HMGXB4: variants seen among roughly 807,000 people sequenced by gnomAD.
The protein encoded by HMGXB4 is HMG domain-containing protein 4.
HMGXB4 carries 27 observed loss-of-function variants against 63.9 expected under a neutral mutation model. That is an observed-to-expected ratio of 0.42 (90% CI 0.31 to 0.58). HMGXB4 has a LOEUF of 0.58. Among genes scored for constraint, HMGXB4 ranks in the 20% least tolerant of loss-of-function variants. The pLI is 0.13. For synonymous variants in HMGXB4, 264 were observed against 265.3 expected (o/e 0.99, Z 0.05); for missense variants, 624 against 700.7 (o/e 0.89, Z 1.24).
intron 6 of HMGXB4, among the ~76,000 whole-genome samples, chr22:35,285,268 G>A (rs1436441618): frequency 6.6e-6 from 1 of 152,170 alleles, no homozygotes; most frequent in Non-Finnish European, 1.5e-5. Context: ...AAAATAGCTG[G>A]GCGTGGTGGC....
intron 6 of HMGXB4, among the ~76,000 whole-genome samples, chr22:35,285,567 A>T (rs1459884558): frequency 6.6e-6 from 1 of 152,170 alleles, no homozygotes; most frequent in Admixed American, 6.5e-5. Flanking sequence ...AAAGAAAAAA[A>T]TTTTAAAAAA....
rs1601625502 is a variant in HMGXB4, at chr22:35,263,883, G to A, written c.259+9G>A. 6.2e-7 allele frequency: 1 copy of A among 1,611,658 alleles called. No individual in the cohort carries two copies. The highest frequency in any genetic ancestry group is 2.2e-5 in the East Asian group (1 of 44,854). ...TGATTACTACTATGGAGGTGAGGAT[G>A]GGAATGGGCAACAGGTGGGATAAAC... On this transcript the variant is annotated intron_variant, in intron 4 of 10. Transcript: ENST00000216106.
intron 5 of HMGXB4, among the ~76,000 whole-genome samples, chr22:35,279,702 C>T (rs1484704158): frequency 1.8e-4 from 8 of 43,586 alleles, no homozygotes; most frequent in Non-Finnish European, 3.3e-4. Flanking sequence ...TTTTTTTTGG[C>T]ATGTGGATAT....
intron 5 of HMGXB4, among the ~76,000 whole-genome samples, chr22:35,275,703 C>T (rs1923873184): frequency 6.6e-6 from 1 of 152,166 alleles, no homozygotes; most frequent in Non-Finnish European, 1.5e-5. Context: ...TGAGCCACTG[C>T]ACTCCATCCT....
intron 5 of HMGXB4, among the ~76,000 whole-genome samples, chr22:35,274,785 TTAAAA>T (rs1923809062): frequency 6.6e-6 from 1 of 152,238 alleles, no homozygotes; most frequent in Non-Finnish European, 1.5e-5. Context: ...TTCAAGGTAG[TTAAAA>T]TAAAAACTTT....
the HMGXB4 span, among the ~76,000 whole-genome samples, chr22:35,252,377 C>T: frequency 0.066 from 9,977 of 152,222 alleles, 439 homozygotes; most frequent in African/African-American, 0.13. Context: ...TTTCCATTTC[C>T]CCCATGCTCC....
upstream of HMGXB4, among the ~76,000 whole-genome samples, chr22:35,255,640 C>T (rs895232228): frequency 1.3e-5 from 2 of 152,250 alleles, no homozygotes; most frequent in Non-Finnish European, 2.9e-5. Flanking sequence ...ACCACAGACA[C>T]GTCAAAGGAC....
the HMGXB4 span, among the ~76,000 whole-genome samples, chr22:35,247,594 C>A: frequency 1.3e-5 from 2 of 152,092 alleles, no homozygotes; most frequent in Non-Finnish European, 2.9e-5. Flanking sequence ...TACCATGGGG[C>A]TCCAAAGAGA....
upstream of HMGXB4, among the ~76,000 whole-genome samples, chr22:35,254,261 A>G (rs1252599345): frequency 2.0e-5 from 3 of 152,212 alleles, no homozygotes; most frequent in Non-Finnish European, 4.4e-5. Context: ...GCCATGGGAA[A>G]AGGCATTCTT....
rs1333600348 is a variant in HMGXB4 at position 35,278,972 on chromosome 22, A to G, written c.1216-4990A>G. Among the ~76,000 whole-genome samples, 3 of 152,002 alleles carry G rather than the reference A, an allele frequency of 2.0e-5. No homozygotes were observed. In the East Asian group the frequency reaches 5.8e-4, roughly 29 times the overall value. On this transcript the variant is annotated intron_variant, in intron 5 of 10. Coordinates refer to ENST00000216106, the MANE Select transcript of HMGXB4 (RefSeq NM_001003681.3). Reference sequence around the variant, plus strand: ...TGAAGCCAGGGAAACAGTTGAATCCAGGAATTCAAGACTGTAGTGAGCTAT... The same window carrying G: ...TGAAGCCAGGGAAACAGTTGAATCCGGGAATTCAAGACTGTAGTGAGCTAT...
chr22:35,257,330 T>C (rs1922470366), upstream of HMGXB4: 1 of 152,758 alleles, frequency 6.5e-6, no homozygotes, highest in African/African-American at 2.4e-5. Flanking sequence ...AGGGCAAGGC[T>C]GGGACATAGC....
chr22:35,260,212 GT>G (rs1568993788), intron 1 of HMGXB4, among the ~76,000 whole-genome samples: 1 of 152,154 alleles, frequency 6.6e-6, no homozygotes, highest in African/African-American at 2.4e-5. Flanking sequence ...GAATATTTAA[GT>G]TTTTTGCCAT....
intron 4 of HMGXB4, 62 bp downstream of exon 4, chr22:35,263,936 G>T: frequency 1.3e-6 from 2 of 1,596,946 alleles, no homozygotes; most frequent in Non-Finnish European, 1.7e-6. Flanking sequence ...AGTCGGGGTA[G>T]GGGAAAGGGA....
At chr22:35,263,056 C>CA in intron 2 of HMGXB4, 22 bp from the exon 3 acceptor site, 1 of 1,609,912 alleles carries the variant, frequency 6.2e-7, no homozygotes, top group Non-Finnish European at 8.5e-7. Context: ...TTTCCTTTCC[C>CA]AAATAAACCT....
upstream of HMGXB4, among the ~76,000 whole-genome samples, chr22:35,253,616 CGTGT>C (rs398061917): frequency 9.4e-6 from 1 of 106,412 alleles, no homozygotes; most frequent in South Asian, 3.2e-4. Context: ...CGCGCGCGCG[CGTGT>C]GTGTGTGTGT....
intron 5 of HMGXB4, among the ~76,000 whole-genome samples, chr22:35,271,513 C>G (rs1052878784): frequency 6.6e-6 from 1 of 152,190 alleles, no homozygotes; most frequent in African/African-American, 2.4e-5. Context: ...TGGAACCCAC[C>G]TGAGTTCAAT....
In HMGXB4 at chr22:35,263,120, C is replaced by G; in HGVS notation, c.74C>G (p.Ala25Gly). The change falls in exon 3 of 11, where the codon GCA (alanine) becomes GGA (glycine). Residue 25 changes from alanine (A) to glycine (G), a missense_variant. Physicochemically the swap from Ala to Gly is moderately conservative, Grantham distance 60 (BLOSUM62 0). This residue lies in a region of HMGXB4 where 472 missense variants were observed against 470.6 expected (regional missense o/e 1.00). Transcript: ENST00000216106. ...GDHTFEDIGL[A>G]AGRSQREKKR... is the part of the protein sequence containing the mutation. ...CATACCTTTGAGGACATAGGACTTG[C>G]AGCTGGCCGAAGCCAACGAGAGAAA... 6 of 1,613,862 alleles carry G rather than the reference C, an allele frequency of 3.7e-6. No homozygotes were observed. The highest frequency in any genetic ancestry group is 5.1e-6 in the Non-Finnish European group (6 of 1,179,862).
chr22:35,242,761 T>C, the HMGXB4 span, among the ~76,000 whole-genome samples: 1 of 152,204 alleles, frequency 6.6e-6, no homozygotes, highest in Non-Finnish European at 1.5e-5. Flanking sequence ...TTTAGTGTTA[T>C]ATATTTCCCT....
At chr22:35,292,258 C>A (rs1157996734) in intron 9 of HMGXB4, among the ~76,000 whole-genome samples, 2 of 152,256 alleles carry the variant, frequency 1.3e-5, no homozygotes, top group East Asian at 3.9e-4. Flanking sequence ...TAGTATCTTA[C>A]AGGCACAGCA....
Sources: allele counts gnomAD v4.1 joint callset (sites outside exome capture counted in the v4.1 genomes callset), GRCh38; gene constraint gnomAD v4.1.1; regional missense constraint gnomAD v4.1.1; transcripts MANE v1.5; gene names NCBI Gene and HGNC (gene_info 2026-07-23, HGNC 2026-07-21).